The following PTPRD variants were observed in gnomAD, a reference collection of about 807,000 sequenced individuals.
PTPRD encodes the protein receptor-type tyrosine-protein phosphatase delta.
PTPRD carries 34 observed loss-of-function variants against 214.5 expected under a neutral mutation model. The observed-to-expected ratio is 0.16, with a 90% CI of 0.12 to 0.21. PTPRD has a LOEUF of 0.21. Ranked by LOEUF, PTPRD falls within the 10% of genes least tolerant of loss-of-function variation. PTPRD has a pLI of 1.00. For synonymous variants in PTPRD, 1,128 were observed against 845.7 expected (o/e 1.33, Z -5.79); for missense variants, 2,545 against 2,398.7 (o/e 1.06, Z -1.27).
chr9:10,440,525 G>A (rs2098751655), intron 2 of PTPRD, among the ~76,000 whole-genome samples: 1 of 151,732 alleles, frequency 6.6e-6, no homozygotes, highest in African/African-American at 2.4e-5. Flanking sequence ...AGAAAAAGGA[G>A]AAAGAACTGG....
At chr9:8,434,263 G>C (rs954524731) in intron 35 of PTPRD, among the ~76,000 whole-genome samples, 7 of 152,292 alleles carry the variant, frequency 4.6e-5, no homozygotes, top group Admixed American at 3.9e-4. Context: ...TTACACAAGT[G>C]AGCCACTGCG....
chr9:9,521,427 G>C (rs189626920), intron 8 of PTPRD, among the ~76,000 whole-genome samples: 61 of 152,112 alleles, frequency 4.0e-4, no homozygotes, highest in African/African-American at 1.3e-3. Flanking sequence ...AAAAGACAAA[G>C]GGAAAAAAAC....
At chr9:9,338,469 TA>T (rs2045478976) in intron 9 of PTPRD, among the ~76,000 whole-genome samples, 1 of 152,168 alleles carries the variant, frequency 6.6e-6, no homozygotes, top group Non-Finnish European at 1.5e-5. Flanking sequence ...TTTTTTTAGT[TA>T]AAAAACATTT....
chr9:9,698,457 A>C (rs573578798), intron 7 of PTPRD, among the ~76,000 whole-genome samples: 1 of 152,328 alleles, frequency 6.6e-6, no homozygotes, highest in South Asian at 2.1e-4. Flanking sequence ...AAATGCCAAC[A>C]GTATGAGAAG....
At position 10,544,981 on chromosome 9, in the gene PTPRD, C is replaced by T. The variant is rs833453; in HGVS notation, c.-600+67417G>A. On this transcript the variant is annotated intron_variant, in intron 2 of 45. Transcript: ENST00000381196. ...ATTTTTTTCTGGTTCAGGAAATGGT[C>T]GCATCTCTCTTTTCTTTAACTTTTA... is the stretch of plus-strand genomic sequence containing the variant. Among the ~76,000 whole-genome samples the T allele has an allele frequency of 3.3e-3, 507 of 152,222 alleles. 1 individual carries two copies. The highest frequency in any genetic ancestry group is 5.5e-3 in the Non-Finnish European group (371 of 67,988).
chr9:9,540,442 T>C (rs2077349044), intron 8 of PTPRD, among the ~76,000 whole-genome samples: 2 of 151,664 alleles, frequency 1.3e-5, no homozygotes, highest in African/African-American at 4.8e-5. Context: ...TGATGTACAA[T>C]GTACAGTAAT....
At chr9:9,894,395 C>T (rs975536110) in intron 5 of PTPRD, among the ~76,000 whole-genome samples, 1 of 152,084 alleles carries the variant, frequency 6.6e-6, no homozygotes, top group Admixed American at 6.6e-5. Context: ...TCTCTCAAGG[C>T]TCATTGTCTC....
At chr9:8,736,738 A>G (rs2090506245) in intron 11 of PTPRD, among the ~76,000 whole-genome samples, 2 of 152,094 alleles carry the variant, frequency 1.3e-5, no homozygotes, top group Admixed American at 1.3e-4. Context: ...GGCATGAAGA[A>G]GCAAGTGGTA....
chr9:10,226,658 A>G (rs1414833045), intron 3 of PTPRD, among the ~76,000 whole-genome samples: 1 of 152,048 alleles, frequency 6.6e-6, no homozygotes, highest in Non-Finnish European at 1.5e-5. Flanking sequence ...GATCCTATGT[A>G]ACCATACTGT....
intron 8 of PTPRD, among the ~76,000 whole-genome samples, chr9:9,543,003 G>A (rs2077964561): frequency 6.6e-6 from 1 of 151,566 alleles, no homozygotes; most frequent in Non-Finnish European, 1.5e-5. Flanking sequence ...ACATGAAAAC[G>A]TATGTCCACA....
intron 9 of PTPRD, among the ~76,000 whole-genome samples, chr9:9,274,978 A>T (rs1944404554): frequency 7.3e-6 from 1 of 136,642 alleles, no homozygotes; most frequent in South Asian, 2.2e-4. Context: ...TTGCAATCTA[A>T]TTTATTTAAT....
chr9:8,872,381 C>T (rs891035491), intron 11 of PTPRD, among the ~76,000 whole-genome samples: 1 of 152,202 alleles, frequency 6.6e-6, no homozygotes, highest in African/African-American at 2.4e-5. Flanking sequence ...AAAGACTTCT[C>T]TGCTCAATGT....
rs543436348 is a variant in PTPRD, at chr9:9,073,318, A to G, written c.-142-54583T>C. ...ATCAGATGATCTGGCTTTCAATAAT[A>G]TATCTGAGATGGTATGCAAATAGGA... On this transcript the variant is annotated intron_variant, in intron 10 of 45. Transcript: ENST00000381196. Among the ~76,000 whole-genome samples, 9 of 152,358 alleles carry G rather than the reference A, an allele frequency of 5.9e-5. No individual in the cohort carries two copies. In the South Asian group the frequency reaches 1.7e-3, roughly 28 times the overall value.
chr9:9,843,053 T>G (rs1011351817), intron 5 of PTPRD, among the ~76,000 whole-genome samples: 1 of 152,122 alleles, frequency 6.6e-6, no homozygotes, highest in Non-Finnish European at 1.5e-5. Context: ...TAAATAAGGT[T>G]TTATTGGAAC....
chr9:9,744,374 G>C (rs975699446), intron 6 of PTPRD, among the ~76,000 whole-genome samples: 27 of 152,146 alleles, frequency 1.8e-4, no homozygotes, highest in African/African-American at 6.0e-4. Flanking sequence ...AGATGTTGAG[G>C]ACTGCATATA....
At chr9:9,153,714 T>G (rs920733388) in intron 10 of PTPRD, among the ~76,000 whole-genome samples, 1 of 152,156 alleles carries the variant, frequency 6.6e-6, no homozygotes, top group Non-Finnish European at 1.5e-5. Context: ...AGGTGGCAAA[T>G]TTCAAATACA....
intron 36 of PTPRD, among the ~76,000 whole-genome samples, chr9:8,396,389 A>G (rs888316338): frequency 2.0e-5 from 3 of 152,152 alleles, no homozygotes; most frequent in African/African-American, 4.8e-5. Flanking sequence ...TTCTTTTACA[A>G]TTTCCCAGCA....
intron 7 of PTPRD, among the ~76,000 whole-genome samples, chr9:9,630,191 T>C (rs1325124724): frequency 6.6e-6 from 1 of 152,210 alleles, no homozygotes; most frequent in Non-Finnish European, 1.5e-5. Flanking sequence ...TGCTGAAGCT[T>C]GCTGAGTGAA....
intron 39 of PTPRD, among the ~76,000 whole-genome samples, chr9:8,354,690 A>G (rs1056968407): frequency 6.6e-6 from 1 of 152,216 alleles, no homozygotes; most frequent in Non-Finnish European, 1.5e-5. Flanking sequence ...GATGAAGATC[A>G]CGTGGCTGTC....
Sources: allele counts gnomAD v4.1 joint callset (sites outside exome capture counted in the v4.1 genomes callset), GRCh38; gene constraint gnomAD v4.1.1; transcripts MANE v1.5; gene names NCBI Gene and HGNC (gene_info 2026-07-23, HGNC 2026-07-21).